Variants in OLFML2B observed in about 807,000 individuals in gnomAD.
The protein encoded by OLFML2B is olfactomedin-like protein 2B.
A neutral mutation model predicts 74.9 loss-of-function variants in OLFML2B; 57 were observed. The ratio of observed to expected loss-of-function variants is 0.76; its 90% confidence interval spans 0.61 to 0.95. The LOEUF (loss-of-function observed/expected upper bound fraction) is 0.95, where lower values mean the gene tolerates loss of function less well. Among genes scored for constraint, OLFML2B ranks in the 40% least tolerant of loss-of-function variants. The pLI is 0.00. For synonymous variants in OLFML2B, 388 were observed against 405.8 expected, an observed-to-expected ratio of 0.96 and a Z score of 0.53; for missense variants, 986 against 970.6, an observed-to-expected ratio of 1.02 and a Z score of -0.21.
Position 161,999,000 on chromosome 1 carries a change from C to T in OLFML2B, c.950-651G>A, listed in dbSNP as rs963908315. Among the ~76,000 whole-genome samples, 7 of 152,136 alleles carry T rather than the reference C, an allele frequency of 4.6e-5. No homozygotes were observed. In the East Asian group the frequency reaches 9.6e-4, roughly 21 times the overall value. ...AGAAAAGGCCCTGAGGCAGGACATGCGTGCAGCGGCCCAGGAGCAGCGAGG... is the reference window on the plus strand; with the variant it reads ...AGAAAAGGCCCTGAGGCAGGACATGTGTGCAGCGGCCCAGGAGCAGCGAGG... On this transcript the variant is annotated intron_variant, in intron 5 of 7. Coordinates refer to ENST00000294794, the MANE Select transcript of OLFML2B (RefSeq NM_015441.3).
intron 2 of OLFML2B, among the ~76,000 whole-genome samples, chr1:162,019,541 T>G (rs1690638189): frequency 6.6e-6 from 1 of 152,190 alleles, no homozygotes; most frequent in Admixed American, 6.5e-5. Context: ...CCAGCCCTTG[T>G]GCTAAGGGCC....
At chr1:162,020,768 G>A (rs1288569288) in intron 1 of OLFML2B, among the ~76,000 whole-genome samples, 1 of 152,102 alleles carries the variant, frequency 6.6e-6, no homozygotes, top group African/African-American at 2.4e-5. Flanking sequence ...ACCTGCCCCG[G>A]CCTCCCAAAG....
chr1:162,022,501 G>T (rs565855857), intron 1 of OLFML2B, among the ~76,000 whole-genome samples: 1 of 151,838 alleles, frequency 6.6e-6, no homozygotes, highest in South Asian at 2.1e-4. Context: ...TGCCCGCCTC[G>T]GCCTCCCAAA....
rs1689951833 is a variant in OLFML2B, at chr1:161,997,718, T to A, written c.1474+107A>T. 2.0e-5 allele frequency: 24 copies of A among 1,209,270 alleles called. No homozygotes were observed. The East Asian group carries it at 5.7e-4, about 29-fold the overall frequency. The allele number at this position is 1,209,270 out of a possible 1,614,324, so 74.9% of individuals were successfully genotyped here. ...GGCTTAACTCCACTTGCCATTCCCA[T>A]AAAGAACTTTGACCATCTGGTGCCT... On this transcript the variant is annotated intron_variant, in intron 6 of 7. Coordinates refer to ENST00000294794, the MANE Select transcript of OLFML2B (RefSeq NM_015441.3).
intron 3 of OLFML2B, among the ~76,000 whole-genome samples, chr1:162,007,128 G>C (rs976034381): frequency 6.6e-6 from 1 of 152,220 alleles, no homozygotes; most frequent in Non-Finnish European, 1.5e-5. Flanking sequence ...TCATACCAGA[G>C]AAGATCAAGG....
In OLFML2B at chr1:161,984,032, G is replaced by A. The variant is rs1209934689; in HGVS notation, c.1896C>T (p.Ile632=). ...AGCCCTCATCGTCCAGGGCCGGGTA[G>A]ATGAGCCATAGGCCATTCTCGTCCA... is the stretch of plus-strand genomic sequence containing the variant. ...FAVDENGLWL[I]YPALDDEGFS... The change falls in exon 8 of 8, where the codon ATC becomes ATT. Residue 632 remains isoleucine (I), a synonymous_variant. Transcript: ENST00000294794. The A allele has an allele frequency of 1.2e-6, 2 of 1,614,214 alleles. No individual in the cohort carries two copies. Among genetic ancestry groups the A allele is most frequent in the Non-Finnish European group, 8.5e-7 (1 of 1,180,046 alleles).
At chr1:161,984,497 G>A (rs1385519351) in intron 7 of OLFML2B, among the ~76,000 whole-genome samples, 1 of 152,204 alleles carries the variant, frequency 6.6e-6, no homozygotes, top group African/African-American at 2.4e-5. Flanking sequence ...CTGTTTCAAG[G>A]ATCCGGGGAG....
intron 4 of OLFML2B, among the ~76,000 whole-genome samples, chr1:162,002,415 T>C (rs1325734872): frequency 6.6e-6 from 1 of 152,214 alleles, no homozygotes; most frequent in African/African-American, 2.4e-5. Flanking sequence ...ACAAAACCTG[T>C]GTTCCTAGAT....
intron 3 of OLFML2B, among the ~76,000 whole-genome samples, chr1:162,013,825 T>A (rs1233120464): frequency 1.3e-5 from 2 of 149,114 alleles, no homozygotes; most frequent in Non-Finnish European, 3.0e-5. Flanking sequence ...TAAAAATGAA[T>A]GAACCACAAG....
chr1:161,988,667 G>C (rs1047076500), intron 6 of OLFML2B, among the ~76,000 whole-genome samples: 2 of 150,928 alleles, frequency 1.3e-5, no homozygotes, highest in East Asian at 2.0e-4. Context: ...TCTTTGGCTA[G>C]TGCTTCCTCT....
chr1:161,998,469 T>A, intron 5 of OLFML2B, 120 bp from the exon 6 acceptor site: 1 of 1,106,404 alleles, frequency 9.0e-7, no homozygotes, highest in Non-Finnish European at 1.3e-6. Flanking sequence ...ACGGCTTGAG[T>A]TACAGAGGGG....
chr1:161,998,640 G>GC (rs1689998279), intron 5 of OLFML2B, among the ~76,000 whole-genome samples: 1 of 112,276 alleles, frequency 8.9e-6, no homozygotes, highest in Non-Finnish European at 2.4e-5. Context: ...ATGGCTGGGA[G>GC]TAAGTGAGTC....
Position 161,983,756 on chromosome 1 carries a change from T to C in OLFML2B, c.2172A>G (p.Ile724Met). The C allele has an allele frequency of 1.2e-6, 2 of 1,613,944 alleles. No homozygotes were observed. Residue 724 changes from isoleucine (I) to methionine (M), a missense_variant, in exon 8 of 8, where the codon ATA (isoleucine) becomes ATG (methionine). Transcript: ENST00000294794. ...GCAGGCGGTCCTTGGGGTTGTAGTC[T>C]ATCTGGGTCGTATAGGAATACTCAT... ...FENEYSYTTQIDYNPKDRLLY... is the reference protein window; with the variant it reads ...FENEYSYTTQMDYNPKDRLLY...
At chr1:162,011,039 G>C (rs183199317) in intron 3 of OLFML2B, among the ~76,000 whole-genome samples, 248 of 152,266 alleles carry the variant, frequency 1.6e-3, no homozygotes, top group Non-Finnish European at 3.0e-3. Flanking sequence ...GGAAGCCAGG[G>C]TTTGGTATGG....
At chr1:162,016,448 C>A (rs1177069143) in intron 3 of OLFML2B, among the ~76,000 whole-genome samples, 1 of 152,156 alleles carries the variant, frequency 6.6e-6, no homozygotes, top group East Asian at 1.9e-4. Context: ...ATGATAGCCC[C>A]CCAAAAGTCC....
rs1398902213 is a variant in OLFML2B at position 162,023,617 on chromosome 1, C to A, written c.-187G>T. 6.4e-6 allele frequency: 3 copies of A among 466,844 alleles called. No homozygotes were observed. Among genetic ancestry groups the A allele is most frequent in the Non-Finnish European group, 7.3e-6 (2 of 273,144 alleles). 28.9% of individuals were successfully genotyped at this position (466,844 alleles called of 1,614,324 possible). A position where few individuals can be genotyped will look rare whatever the true frequency, so the allele number is the denominator to read the frequency against. ...CCCAGAGACTCTGGGCATCTCCTTC[C>A]CGACGCGAGCAGCCCTCGACTGTGC... On this transcript the variant is annotated 5_prime_UTR_variant, in exon 1 of 8. Coordinates refer to ENST00000294794, the MANE Select transcript of OLFML2B (RefSeq NM_015441.3).
Position 162,023,634 on chromosome 1 carries a change from C to G in OLFML2B, c.-204G>C, listed in dbSNP as rs558724305. On this transcript the variant is annotated 5_prime_UTR_variant, in exon 1 of 8. Coordinates refer to ENST00000294794, the MANE Select transcript of OLFML2B (RefSeq NM_015441.3). ...TCTCCTTCCCGACGCGAGCAGCCCT[C>G]GACTGTGCAGCCCCAGTGGAGAGCC... The G allele has an allele frequency of 5.6e-5, 24 of 430,504 alleles. No homozygotes were observed. Among genetic ancestry groups the G allele is most frequent in the Non-Finnish European group, 2.4e-5 (6 of 246,376 alleles). The allele number at this position is 430,504 out of a possible 1,614,324, so 26.7% of individuals were successfully genotyped here. A position where few individuals can be genotyped will look rare whatever the true frequency, so the allele number is the denominator to read the frequency against.
chr1:162,017,437 G>A lies in OLFML2B; in HGVS notation c.509C>T (p.Thr170Ile). ...ATCCACTCGCCCCACCAGTTTGGTG[G>A]TGACTGAATGTAGCTTCAGGAGATC... is the stretch of plus-strand genomic sequence containing the variant. Reference protein sequence around the residue: ...GLDLLKLHSVTTKLVGRVDKL... With the variant: ...GLDLLKLHSVITKLVGRVDKL... Residue 170 changes from threonine to isoleucine, a missense_variant, in exon 3 of 8, where the codon ACC becomes ATC. Physicochemically the swap from Thr to Ile is moderately conservative, Grantham distance 89. Coordinates refer to ENST00000294794, the MANE Select transcript of OLFML2B (RefSeq NM_015441.3). The A allele has an allele frequency of 6.2e-7, 1 of 1,613,716 alleles. No homozygotes were observed. The highest frequency in any genetic ancestry group is 2.2e-5 in the East Asian group (1 of 44,862).
intron 3 of OLFML2B, among the ~76,000 whole-genome samples, chr1:162,011,666 A>G (rs1690390619): frequency 6.6e-6 from 1 of 152,222 alleles, no homozygotes; most frequent in Admixed American, 6.5e-5. Flanking sequence ...TCTGTCCCAC[A>G]TCAGGTGCTG....
Sources: gnomAD v4.1 joint callset for allele counts (sites outside exome capture counted in the v4.1 genomes callset) on GRCh38, gnomAD v4.1.1 for gene constraint, MANE v1.5 for transcripts, NCBI Gene and HGNC (gene_info 2026-07-23, HGNC 2026-07-21) for gene names.